DNAH14: variants seen among roughly 807,000 people sequenced by gnomAD.
The protein encoded by DNAH14 is dynein axonemal heavy chain 14.
In DNAH14, 478 loss-of-function variants were observed where a neutral mutation model predicts 520.9. The observed-to-expected ratio is 0.92, with a 90% CI of 0.85 to 0.99. The LOEUF (loss-of-function observed/expected upper bound fraction) is 0.99. Among genes scored for constraint, DNAH14 ranks in the 50% least tolerant of loss-of-function variants. The probability of loss-of-function intolerance (pLI) is 0.00; values close to 1 mark genes in which losing one functional copy is unlikely to be tolerated. For synonymous variants in DNAH14, 1,581 were observed against 1,757.2 expected (o/e 0.90, Z 2.51); for missense variants, 4,831 against 5,234.5 (o/e 0.92, Z 2.38).
intron 28 of DNAH14, among the ~76,000 whole-genome samples, chr1:225,141,673 T>C (rs146953595): frequency 2.0e-5 from 3 of 152,276 alleles, no homozygotes; most frequent in African/African-American, 7.2e-5. Context: ...GAGGGCAGTA[T>C]CTTTCCATGG....
At chr1:225,326,944 C>A (rs1386879178) in intron 64 of DNAH14, among the ~76,000 whole-genome samples, 4 of 152,020 alleles carry the variant, frequency 2.6e-5, no homozygotes, top group South Asian at 2.1e-4. Flanking sequence ...AAACAGAGAA[C>A]CTGAACAACT....
At chr1:225,307,321 C>G in intron 58 of DNAH14, 140 bp from the exon 59 acceptor site, 1 of 620,776 alleles carries the variant, frequency 1.6e-6, no homozygotes, top group South Asian at 2.4e-5. Context: ...GATTGACTTT[C>G]AAATAGTGAG....
chr1:225,152,834 G>T lies in DNAH14; in HGVS notation c.5147G>T (p.Gly1716Val). ...TTCAAATCTGCAAATTCACTCTCTG[G>T]AAAGCTAACTAACCTTTATGAATTA... ...FGFKSANSLS[G>V]KLTNLYELAR... Residue 1716 changes from glycine to valine, a missense_variant, in exon 33 of 86, where the codon GGA (glycine) becomes GTA (valine). Coordinates refer to ENST00000682510, the MANE Select transcript of DNAH14 (RefSeq NM_001367479.1). The T allele has an allele frequency of 6.4e-7, 1 of 1,551,160 alleles. No individual in the cohort carries two copies. The highest frequency in any genetic ancestry group is 1.4e-5 in the African/African-American group (1 of 73,110).
At chr1:225,364,006 C>A (rs1303347872) in intron 75 of DNAH14, among the ~76,000 whole-genome samples, 1 of 152,100 alleles carries the variant, frequency 6.6e-6, no homozygotes, top group Admixed American at 6.5e-5. Context: ...AGAGGGCTGA[C>A]TGTATTTTGT....
chr1:224,938,730 T>C (rs577918590), intron 1 of DNAH14, among the ~76,000 whole-genome samples: 1 of 152,360 alleles, frequency 6.6e-6, no homozygotes, highest in African/African-American at 2.4e-5. Flanking sequence ...ATCAAAGAGA[T>C]ATCTGTACTT....
intron 15 of DNAH14, among the ~76,000 whole-genome samples, chr1:225,049,279 T>G (rs980889038): frequency 6.6e-6 from 1 of 151,952 alleles, no homozygotes; most frequent in East Asian, 1.9e-4. Flanking sequence ...GCCATGTTGG[T>G]CTTGAACTCC....
At chr1:225,167,233 G>T (rs55680010) in intron 35 of DNAH14, among the ~76,000 whole-genome samples, 18,868 of 152,122 alleles carry the variant, frequency 0.12, 1,329 homozygotes, top group East Asian at 0.31. Flanking sequence ...CACCTGCTTT[G>T]TTCTGTCTCA....
intron 13 of DNAH14, 52 bp downstream of exon 13, chr1:225,043,166 A>G: frequency 6.8e-7 from 1 of 1,480,076 alleles, no homozygotes; most frequent in Non-Finnish European, 9.0e-7. Context: ...GTGGTGGCTC[A>G]TGCCTGCAAT....
chr1:225,341,300 A>C (rs573178880), intron 69 of DNAH14, among the ~76,000 whole-genome samples: 1 of 152,234 alleles, frequency 6.6e-6, no homozygotes, highest in South Asian at 2.1e-4. Flanking sequence ...TAAAGAAAAT[A>C]ATCCAGTGAC....
At chr1:225,368,363 G>A (rs1368429808) in intron 77 of DNAH14, among the ~76,000 whole-genome samples, 1 of 152,112 alleles carries the variant, frequency 6.6e-6, no homozygotes, top group Non-Finnish European at 1.5e-5. Flanking sequence ...GTAATTATAG[G>A]CAAACTTGTT....
chr1:225,331,634 C>T, intron 65 of DNAH14, 57 bp downstream of exon 65: 3 of 1,545,756 alleles, frequency 1.9e-6, no homozygotes, highest in East Asian at 4.9e-5. Context: ...CCCAACAACC[C>T]CCAAGATGTT....
intron 71 of DNAH14, among the ~76,000 whole-genome samples, chr1:225,349,026 CAGTGATGGGATCAT>C (rs2095327239): frequency 6.6e-6 from 1 of 152,100 alleles, no homozygotes; most frequent in Non-Finnish European, 1.5e-5. Context: ...GGCTAGAATA[CAGTGATGGGATCAT>C]AGCTCACTGT....
chr1:224,937,685 A>G (rs1024494590), intron 1 of DNAH14, among the ~76,000 whole-genome samples: 2 of 152,148 alleles, frequency 1.3e-5, no homozygotes, highest in Non-Finnish European at 2.9e-5. Context: ...CCTGCACAGA[A>G]ATAGAAAAAA....
At chr1:225,387,065 G>A (rs1413529617) in intron 81 of DNAH14, among the ~76,000 whole-genome samples, 1 of 152,138 alleles carries the variant, frequency 6.6e-6, no homozygotes, top group Non-Finnish European at 1.5e-5. Flanking sequence ...CCATAAAAAA[G>A]GATGAGTTCA....
At chr1:225,067,835 T>C (rs1406949252) in intron 17 of DNAH14, among the ~76,000 whole-genome samples, 2 of 152,210 alleles carry the variant, frequency 1.3e-5, no homozygotes, top group Non-Finnish European at 2.9e-5. Context: ...ACATTCCTTA[T>C]AGATGCTGGA....
At chr1:225,014,512 A>G (rs978455944) in intron 10 of DNAH14, among the ~76,000 whole-genome samples, 1 of 151,502 alleles carries the variant, frequency 6.6e-6, no homozygotes, top group Non-Finnish European at 1.5e-5. Flanking sequence ...TTATGTTTCA[A>G]TTTTCATTTG....
At chr1:225,352,282 T>G (rs141840609) in intron 72 of DNAH14, among the ~76,000 whole-genome samples, 36 of 152,282 alleles carry the variant, frequency 2.4e-4, no homozygotes, top group African/African-American at 8.2e-4. Context: ...TTTTGCTTTT[T>G]CTTTTTCCAC....
At position 224,971,654 on chromosome 1, in the gene DNAH14, G is replaced by A. The variant is rs201472388; in HGVS notation, c.768-2437G>A. On this transcript the variant is annotated intron_variant, in intron 7 of 85. Transcript: ENST00000682510. ...GGTTGGTCAGAGATGTGGCAGTGAA[G>A]CAGAGACCTAAATGATGAAAAAGAG... Among the ~76,000 whole-genome samples the A allele has an allele frequency of 7.2e-5, 11 of 152,318 alleles. No homozygotes were observed. In the East Asian group the frequency reaches 2.1e-3, roughly 29 times the overall value.
At chr1:225,036,854 A>G (rs952876224) in intron 11 of DNAH14, among the ~76,000 whole-genome samples, 3 of 152,182 alleles carry the variant, frequency 2.0e-5, no homozygotes, top group Non-Finnish European at 4.4e-5. Context: ...GTCCAAGATG[A>G]CAGTGCTCCT....
Sources: gnomAD v4.1 joint callset for allele counts (sites outside exome capture counted in the v4.1 genomes callset) on GRCh38, gnomAD v4.1.1 for gene constraint, MANE v1.5 for transcripts, NCBI Gene and HGNC (gene_info 2026-07-23, HGNC 2026-07-21) for gene names.